Variants in DDIT4L observed in about 807,000 individuals in gnomAD.
DDIT4L encodes DNA damage inducible transcript 4 like.
A neutral mutation model predicts 15.9 loss-of-function variants in DDIT4L; 13 were observed. The observed-to-expected ratio is 0.82, with a 90% CI of 0.53 to 1.30. The LOEUF (loss-of-function observed/expected upper bound fraction) is 1.30, where lower values mean the gene tolerates loss of function less well. Among genes scored for constraint, DDIT4L ranks in the 50% most tolerant of loss-of-function variants. The probability of loss-of-function intolerance (pLI) is 0.00; values close to 1 mark genes in which losing one functional copy is unlikely to be tolerated. For missense variants in DDIT4L, 235 were observed against 224.8 expected (o/e 1.05, Z -0.29); for synonymous variants, 82 against 85.4 (o/e 0.96, Z 0.22).
chr4:100,188,287 G>T, intron 2 of DDIT4L, 120 bp from the exon 3 acceptor site: 9 of 1,102,076 alleles, frequency 8.2e-6, no homozygotes, highest in Non-Finnish European at 1.1e-5. Flanking sequence ...TCTTGTATTT[G>T]TTTCAGAGTC....
rs1723452928 is a variant in DDIT4L, at chr4:100,188,088, C to CA, written c.170dup (p.Leu57PhefsTer3). ...ACAGACAGTTCTCCAGCATTTTAAC[C>CA]AAATTCTGGCAAGTTGATTCCTCAA... On this transcript the variant is annotated frameshift_variant, in exon 3 of 3. Transcript: ENST00000273990. LOFTEE classifies it high-confidence loss of function. 6.2e-7 allele frequency: 1 copy of CA among 1,613,916 alleles called. No homozygotes were observed. Among genetic ancestry groups the CA allele is most frequent in the Non-Finnish European group, 8.5e-7 (1 of 1,180,008 alleles).
intron 1 of DDIT4L, 81 bp from the exon 2 acceptor site, chr4:100,190,113 G>C: frequency 1.3e-6 from 1 of 790,188 alleles, no homozygotes; most frequent in Non-Finnish European, 2.1e-6. Context: ...CCGGCGTCCC[G>C]GGAGCGAACT....
At chr4:100,188,220 G>T (rs75651493) in intron 2 of DDIT4L, 53 bp from the exon 3 acceptor site, 3 of 1,532,444 alleles carry the variant, frequency 2.0e-6, no homozygotes, top group African/African-American at 1.4e-5. Context: ...TTTAAGAGTA[G>T]AAAAAAAACA....
Position 100,188,074 on chromosome 4 carries a change from T to C in DDIT4L, c.185A>G (p.Glu62Gly). The change falls in exon 3 of 3, where the codon GAG (glutamate) becomes GGG (glycine). Residue 62 changes from glutamate to glycine, a missense_variant. Physicochemically the swap from Glu to Gly is moderately conservative, Grantham distance 98. Coordinates refer to ENST00000273990, the MANE Select transcript of DDIT4L (RefSeq NM_145244.4). The stretch of plus-strand genomic sequence containing the variant: ...TTGCTTTGATTTGGACAGACAGTTC[T>C]CCAGCATTTTAACCAAATTCTGGCA... ...STCQNLVKML[E>G]NCLSKSKQTK... The C allele has an allele frequency of 6.2e-7, 1 of 1,614,132 alleles. No homozygotes were observed.
intron 2 of DDIT4L, among the ~76,000 whole-genome samples, chr4:100,189,147 A>C (rs1224971340): frequency 6.6e-6 from 1 of 152,230 alleles, no homozygotes; most frequent in Admixed American, 6.5e-5. Context: ...TCACCTTGAA[A>C]GGAGAAAAAC....
Position 100,188,004 on chromosome 4 carries a change from G to A in DDIT4L, c.255C>T (p.Thr85=). The A allele has an allele frequency of 5.0e-6, 8 of 1,613,950 alleles. No homozygotes were observed. Among genetic ancestry groups the A allele is most frequent in the Non-Finnish European group, 6.8e-6 (8 of 1,179,978 alleles). ...CSKVLVPEKL[T]QRIAQDVLRL... is the part of the protein sequence containing the mutation. Reference sequence around the variant, plus strand: ...GCAGGACATCTTGAGCAATTCTCTGGGTCAGTTTCTCAGGGACAAGGACCT... The same window carrying A: ...GCAGGACATCTTGAGCAATTCTCTGAGTCAGTTTCTCAGGGACAAGGACCT... Residue 85 remains threonine, a synonymous_variant, in exon 3 of 3, where the codon ACC becomes ACT. Coordinates refer to ENST00000273990, the MANE Select transcript of DDIT4L (RefSeq NM_145244.4).
chr4:100,187,604 C>A lies in DDIT4L; in HGVS notation c.*73G>T. 1 of 1,500,212 alleles carries A rather than the reference C, an allele frequency of 6.7e-7. No individual in the cohort carries two copies. The allele number at this position is 1,500,212 out of a possible 1,614,324, so 92.9% of individuals were successfully genotyped here. On this transcript the variant is annotated 3_prime_UTR_variant, in exon 3 of 3. Coordinates refer to ENST00000273990, the MANE Select transcript of DDIT4L (RefSeq NM_145244.4). ...TATTTAGGGCAGGTGGGGCAAACTA[C>A]AAATGACTTTAGCTGACTAGCTGAA...
Position 100,189,880 on chromosome 4 carries a change from C to G in DDIT4L, c.91+13G>C. On this transcript the variant is annotated intron_variant, in intron 2 of 2. Transcript: ENST00000273990. The stretch of plus-strand genomic sequence containing the variant: ...CTTGGGAGGGGAGAAGGGTGGACAG[C>G]GGGGACACTCACCACTTAGCAGGCT... 1 of 1,612,856 alleles carries G rather than the reference C, an allele frequency of 6.2e-7. No individual in the cohort carries two copies.
At chr4:100,189,756 GGAAAGGA>G in intron 2 of DDIT4L, 130 bp downstream of exon 2, 1 of 696,044 alleles carries the variant, frequency 1.4e-6, no homozygotes, top group African/African-American at 1.8e-5. Context: ...TAGAAAATTT[GGAAAGGA>G]GTCTCCTCAG....
In DDIT4L at chr4:100,186,024, G is replaced by C. The variant is rs1723414324; in HGVS notation, c.*1653C>G. 1 of 152,344 alleles carries C rather than the reference G, an allele frequency of 6.6e-6. No individual in the cohort carries two copies. The highest frequency in any genetic ancestry group is 1.9e-4 in the East Asian group (1 of 5,188). The allele number at this position is 152,344 out of a possible 1,614,324, so 9.4% of individuals were successfully genotyped here. On this transcript the variant is annotated 3_prime_UTR_variant, in exon 3 of 3. Transcript: ENST00000273990. ...AACTGTTAGTGGGAAAAGGACAACAGTTCTACATCCATGCCCAAGAAGCCT... is the reference window on the plus strand; with the variant it reads ...AACTGTTAGTGGGAAAAGGACAACACTTCTACATCCATGCCCAAGAAGCCT...
chr4:100,190,010 G>T lies in DDIT4L; in HGVS notation c.-27C>A. The T allele has an allele frequency of 6.2e-7, 1 of 1,607,128 alleles. No homozygotes were observed. On this transcript the variant is annotated 5_prime_UTR_variant, in exon 2 of 3. Coordinates refer to ENST00000273990, the MANE Select transcript of DDIT4L (RefSeq NM_145244.4). ...GTCAACGGCTCTGTTTCCTTCGCGA[G>T]GCGCAACGGCCTTTCCTGAGCGCTG...
In DDIT4L at chr4:100,187,635, T is replaced by G. The variant is rs1439058255; in HGVS notation, c.*42A>C. ...ACTTTAGCTGACTAGCTGAATAGTT[T>G]TACTACCCAATCATGAAATAATCTT... On this transcript the variant is annotated 3_prime_UTR_variant, in exon 3 of 3. Coordinates refer to ENST00000273990, the MANE Select transcript of DDIT4L (RefSeq NM_145244.4). 2 of 1,557,196 alleles carry G rather than the reference T, an allele frequency of 1.3e-6. No homozygotes were observed. Among genetic ancestry groups the G allele is most frequent in the African/African-American group, 1.4e-5 (1 of 71,326 alleles).
rs150874405 is a variant in DDIT4L at position 100,186,946 on chromosome 4, T to G, written c.*731A>C. The G allele has an allele frequency of 3.5e-4, 53 of 152,346 alleles. 1 individual carries two copies. The highest frequency in any genetic ancestry group is 1.3e-3 in the African/African-American group (52 of 41,572). 9.4% of individuals were successfully genotyped at this position (152,346 alleles called of 1,614,324 possible). ...GTTCAATATTTTGCATTTTTCTAGT[T>G]TAAAGACAGTATTCAACACTTAAGA... is the stretch of plus-strand genomic sequence containing the variant. On this transcript the variant is annotated 3_prime_UTR_variant, in exon 3 of 3. Coordinates refer to ENST00000273990, the MANE Select transcript of DDIT4L (RefSeq NM_145244.4).
Position 100,188,003 on chromosome 4 carries a change from G to C in DDIT4L, c.256C>G (p.Gln86Glu), listed in dbSNP as rs758217586. The change falls in exon 3 of 3, where the codon CAG becomes GAG. Residue 86 changes from glutamine to glutamate, a missense_variant. By Grantham distance (29) the Gln-to-Glu change is conservative (BLOSUM62 2). Transcript: ENST00000273990. The part of the protein sequence containing the change: ...SKVLVPEKLT[Q>E]RIAQDVLRLS... ...CGCAGGACATCTTGAGCAATTCTCTGGGTCAGTTTCTCAGGGACAAGGACC... is the reference window on the plus strand; with the variant it reads ...CGCAGGACATCTTGAGCAATTCTCTCGGTCAGTTTCTCAGGGACAAGGACC... 1.2e-6 allele frequency: 2 copies of C among 1,614,160 alleles called. No individual in the cohort carries two copies. The highest frequency in any genetic ancestry group is 3.3e-5 in the Admixed American group (2 of 60,024).
At position 100,187,806 on chromosome 4, in the gene DDIT4L, C is replaced by G. The variant is rs142511472; in HGVS notation, c.453G>C (p.Arg151Ser). ...AGCGACCTCTACTAAAGAAAAAGTCCCTGAAGCTAGTCCATGAGCAGTTCT... is the reference window on the plus strand; with the variant it reads ...AGCGACCTCTACTAAAGAAAAAGTCGCTGAAGCTAGTCCATGAGCAGTTCT... ...KQENCSWTSF[R>S]DFFFSRGRFS... Residue 151 changes from arginine to serine, a missense_variant, in exon 3 of 3, where the codon AGG (arginine) becomes AGC (serine). By Grantham distance (110) the Arg-to-Ser change is moderately radical. Transcript: ENST00000273990. The G allele has an allele frequency of 8.1e-5, 131 of 1,613,546 alleles. No individual in the cohort carries two copies. In the African/African-American group the frequency reaches 1.6e-3, roughly 19 times the overall value.
Position 100,189,922 on chromosome 4 carries a change from C to A in DDIT4L, c.62G>T (p.Cys21Phe). 1 of 1,614,096 alleles carries A rather than the reference C, an allele frequency of 6.2e-7. No homozygotes were observed. Among genetic ancestry groups the A allele is most frequent in the Non-Finnish European group, 8.5e-7 (1 of 1,180,014 alleles). Residue 21 changes from cysteine to phenylalanine, a missense_variant, in exon 2 of 3, where the codon TGT becomes TTT. By Grantham distance (205) the Cys-to-Phe change is radical. Coordinates refer to ENST00000273990, the MANE Select transcript of DDIT4L (RefSeq NM_145244.4). ...TAGCAGGCTCTCTGGGTGATAGCCA[C>A]AGTCCAGCAATTCTGAAATGCTGGC... ...NPASISELLDCGYHPESLLSD... is the reference protein window; with the variant it reads ...NPASISELLDFGYHPESLLSD...
Position 100,189,876 on chromosome 4 carries a change from A to G in DDIT4L, c.91+17T>C. The G allele has an allele frequency of 6.2e-7, 1 of 1,612,916 alleles. No homozygotes were observed. The highest frequency in any genetic ancestry group is 8.5e-7 in the Non-Finnish European group (1 of 1,179,192). On this transcript the variant is annotated intron_variant, in intron 2 of 2. Transcript: ENST00000273990. ...CGACCTTGGGAGGGGAGAAGGGTGG[A>G]CAGCGGGGACACTCACCACTTAGCA...
rs567155707 is a variant in DDIT4L, at chr4:100,186,274, C to A, written c.*1403G>T. 1 of 152,300 alleles carries A rather than the reference C, an allele frequency of 6.6e-6. No individual in the cohort carries two copies. Among genetic ancestry groups the A allele is most frequent in the South Asian group, 2.1e-4 (1 of 4,826 alleles). 9.4% of individuals were successfully genotyped at this position (152,300 alleles called of 1,614,324 possible). A position where few individuals can be genotyped will look rare whatever the true frequency, so the allele number is the denominator to read the frequency against. On this transcript the variant is annotated 3_prime_UTR_variant, in exon 3 of 3. Coordinates refer to ENST00000273990, the MANE Select transcript of DDIT4L (RefSeq NM_145244.4). ...TTATAGTATCAGTAACAGGATCACACCTGTTTTTCAGTAACACCAGGATGA... is the reference window on the plus strand; with the variant it reads ...TTATAGTATCAGTAACAGGATCACAACTGTTTTTCAGTAACACCAGGATGA...
rs1723413104 is a variant in DDIT4L, at chr4:100,185,946, C to T, written c.*1731G>A. ...TTAACAGGAATATTAATTTAACAGCCTTCCATAAGCCATCACCATTTTGTA... is the reference window on the plus strand; with the variant it reads ...TTAACAGGAATATTAATTTAACAGCTTTCCATAAGCCATCACCATTTTGTA... On this transcript the variant is annotated 3_prime_UTR_variant, in exon 3 of 3. Coordinates refer to ENST00000273990, the MANE Select transcript of DDIT4L (RefSeq NM_145244.4). 1 of 152,146 alleles carries T rather than the reference C, an allele frequency of 6.6e-6. No homozygotes were observed. The highest frequency in any genetic ancestry group is 1.5e-5 in the Non-Finnish European group (1 of 68,024). 9.4% of individuals were successfully genotyped at this position (152,146 alleles called of 1,614,324 possible).
Sources: allele counts gnomAD v4.1 joint callset (sites outside exome capture counted in the v4.1 genomes callset), GRCh38; gene constraint gnomAD v4.1.1; transcripts MANE v1.5; gene names NCBI Gene and HGNC (gene_info 2026-07-23, HGNC 2026-07-21).